Variants in ADGRL2 observed in about 807,000 individuals in gnomAD.
ADGRL2 encodes calcium-independent alpha-latrotoxin receptor 2.
A neutral mutation model predicts 157.4 loss-of-function variants in ADGRL2; 44 were observed. The ratio of observed to expected loss-of-function variants is 0.28; its 90% CI spans 0.22 to 0.36. The LOEUF (loss-of-function observed/expected upper bound fraction) is 0.36. Ranked by LOEUF, ADGRL2 falls within the 10% of genes least tolerant of loss-of-function variation. The probability of loss-of-function intolerance (pLI) is 1.00; values close to 1 mark genes in which losing one functional copy is unlikely to be tolerated. For missense variants in ADGRL2, 1,510 were observed against 1,768.9 expected, an observed-to-expected ratio of 0.85 and a Z score of 2.63; for synonymous variants, 585 against 624.7, an observed-to-expected ratio of 0.94 and a Z score of 0.95.
intron 2 of ADGRL2, among the ~76,000 whole-genome samples, chr1:81,479,462 C>A (rs115212485): frequency 0.023 from 3,493 of 152,048 alleles, 132 homozygotes; most frequent in African/African-American, 0.08. Flanking sequence ...CAGAGTACAA[C>A]AGAGTGAGAC....
intron 3 of ADGRL2, 139 bp from the exon 4 acceptor site, chr1:81,936,589 A>C: frequency 2.0e-6 from 1 of 492,130 alleles, no homozygotes; most frequent in Non-Finnish European, 3.6e-6. Context: ...TTAATAATGT[A>C]GAGTAACTTA....
At position 81,457,242 on chromosome 1, in the gene ADGRL2, A is replaced by G. The variant is rs148822822; in HGVS notation, c.-248+12153A>G. ...TATAACAAAAAGGTCTCTTGACCAC[A>G]GAAACCTTTGCTCAGTAGTAAGTTA... On this transcript the variant is annotated intron_variant, in intron 2 of 24. Transcript: ENST00000370721. 2.3e-3 allele frequency among the ~76,000 whole-genome samples: 354 copies of G among 152,302 alleles called. 2 individuals are homozygous for G. The highest frequency in any genetic ancestry group is 8.1e-3 in the African/African-American group (336 of 41,584).
chr1:81,326,504 A>G (rs1660911917), intron 1 of ADGRL2, among the ~76,000 whole-genome samples: 1 of 152,232 alleles, frequency 6.6e-6, no homozygotes, highest in South Asian at 2.1e-4. Context: ...TTAATGGACC[A>G]TTCTTCATGA....
chr1:81,447,045 C>G (rs1159644478), intron 2 of ADGRL2, among the ~76,000 whole-genome samples: 2 of 151,918 alleles, frequency 1.3e-5, no homozygotes, highest in Admixed American at 1.3e-4. Flanking sequence ...ACTAACCATA[C>G]TATTATAATT....
At chr1:81,380,200 G>A (rs1049491415) in intron 1 of ADGRL2, among the ~76,000 whole-genome samples, 1 of 152,170 alleles carries the variant, frequency 6.6e-6, no homozygotes, top group African/African-American at 2.4e-5. Flanking sequence ...TAATGAAGTG[G>A]ACGTTTTCCC....
chr1:81,694,421 G>A (rs2083402379), intron 3 of ADGRL2, among the ~76,000 whole-genome samples: 3 of 151,406 alleles, frequency 2.0e-5, no homozygotes, highest in African/African-American at 7.3e-5. Context: ...TATATAAAAT[G>A]TTTAGCACAC....
intron 1 of ADGRL2, among the ~76,000 whole-genome samples, chr1:81,387,765 C>T (rs2076463771): frequency 6.6e-6 from 1 of 152,056 alleles, no homozygotes; most frequent in East Asian, 1.9e-4. Context: ...ATACGGGTGG[C>T]CTCTGGAGTT....
intron 2 of ADGRL2, among the ~76,000 whole-genome samples, chr1:81,462,035 A>G (rs2077944551): frequency 6.6e-6 from 1 of 151,770 alleles, no homozygotes; most frequent in Admixed American, 6.6e-5. Context: ...GACTTGGAGA[A>G]CTTTTCTGTC....
In ADGRL2 at chr1:81,479,954, G is replaced by A. The variant is rs140286816; in HGVS notation, c.-248+34865G>A. 2.7e-4 allele frequency among the ~76,000 whole-genome samples: 41 copies of A among 152,194 alleles called. No individual in the cohort carries two copies. In the East Asian group the frequency reaches 6.6e-3, roughly 24 times the overall value. ...CTTAAGTTGCAACCGAAGTTTTATG[G>A]ACATTATCTAATATAGTTTTCATGA... On this transcript the variant is annotated intron_variant, in intron 2 of 24. Coordinates refer to the ADGRL2 transcript ENST00000370721.
At chr1:81,801,872 C>A (rs1200497028) in intron 1 of ADGRL2, among the ~76,000 whole-genome samples, 1 of 152,162 alleles carries the variant, frequency 6.6e-6, no homozygotes, top group Non-Finnish European at 1.5e-5. Context: ...CTCTGATTCC[C>A]GATTTTTTTT....
At chr1:81,591,183 C>G (rs751392328) in intron 3 of ADGRL2, among the ~76,000 whole-genome samples, 1 of 152,172 alleles carries the variant, frequency 6.6e-6, no homozygotes, top group Non-Finnish European at 1.5e-5. Flanking sequence ...ATGAAAGAAG[C>G]TTTCTCTTCC....
chr1:81,709,961 T>G (rs961531770), intron 1 of ADGRL2, among the ~76,000 whole-genome samples: 11 of 152,154 alleles, frequency 7.2e-5, no homozygotes, highest in African/African-American at 2.7e-4. Flanking sequence ...CCTCACCAAC[T>G]CAACTTGATT....
intron 3 of ADGRL2, among the ~76,000 whole-genome samples, chr1:81,921,041 G>C (rs909651674): frequency 6.6e-6 from 1 of 152,038 alleles, no homozygotes; most frequent in African/African-American, 2.4e-5. Context: ...AATCCAAAAG[G>C]TTTTGCCTTG....
chr1:81,957,184 T>TAAA (rs61224384), intron 11 of ADGRL2, among the ~76,000 whole-genome samples: 170 of 147,246 alleles, frequency 1.2e-3, no homozygotes, highest in South Asian at 5.5e-3. Flanking sequence ...TGAAAATTAT[T>TAAA]AAAAAAAAAA....
intron 1 of ADGRL2, among the ~76,000 whole-genome samples, chr1:81,352,706 C>T (rs1387441814): frequency 1.3e-5 from 2 of 152,092 alleles, no homozygotes; most frequent in African/African-American, 2.4e-5. Context: ...TTTTATGTAC[C>T]TGTTTAGTTC....
chr1:81,874,960 G>T (rs763367491), intron 2 of ADGRL2, among the ~76,000 whole-genome samples: 4 of 152,094 alleles, frequency 2.6e-5, no homozygotes, highest in Non-Finnish European at 5.9e-5. Flanking sequence ...ACCCACCTCA[G>T]CCTCCCAATG....
At chr1:81,480,952 T>C (rs2078374365) in intron 2 of ADGRL2, among the ~76,000 whole-genome samples, 1 of 152,168 alleles carries the variant, frequency 6.6e-6, no homozygotes, top group African/African-American at 2.4e-5. Context: ...CCTTTAAGGG[T>C]TAGATCATAA....
upstream of ADGRL2, among the ~76,000 whole-genome samples, chr1:81,796,289 G>A (rs1389806088): frequency 6.6e-6 from 1 of 152,084 alleles, no homozygotes; most frequent in Non-Finnish European, 1.5e-5. Context: ...ACACACTGCA[G>A]GAGGTGTTTT....
chr1:81,987,104 A>G, intron 22 of ADGRL2, 75 bp downstream of exon 22: 2 of 1,517,404 alleles, frequency 1.3e-6, no homozygotes, highest in Non-Finnish European at 1.8e-6. Flanking sequence ...TGTTTCTAAA[A>G]TATTCAAGTT....
Sources: allele counts gnomAD v4.1 joint callset (sites outside exome capture counted in the v4.1 genomes callset), GRCh38; gene constraint gnomAD v4.1.1; transcripts MANE v1.5; gene names NCBI Gene and HGNC (gene_info 2026-07-23, HGNC 2026-07-21).